Variants in ACP6 observed in about 807,000 individuals in gnomAD.
The protein encoded by ACP6 is acid phosphatase 6, lysophosphatidic.
Under a neutral mutation model 48.1 loss-of-function variants are expected in ACP6, and 48 were observed. The observed-to-expected ratio is 1.00, with a 90% CI of 0.79 to 1.27. ACP6 has a LOEUF of 1.27. ACP6 is among the 50% of genes most tolerant of loss of function. The pLI, the probability that ACP6 is intolerant of heterozygous loss-of-function variation, is 0.00. For missense variants in ACP6, 485 were observed against 529.1 expected (o/e 0.92, Z 0.82); for synonymous variants, 172 against 204.2 (o/e 0.84, Z 1.34).
At chr1:147,631,832 AC>A in intron 5 of ACP6, among the ~76,000 whole-genome samples, 1 of 151,582 alleles carries the variant, frequency 6.6e-6, no homozygotes, top group African/African-American at 2.4e-5. Context: ...AACAACAACA[AC>A]AAAAAAAACA....
At chr1:147,631,728 C>T (rs868957222) in intron 5 of ACP6, among the ~76,000 whole-genome samples, 3 of 152,034 alleles carry the variant, frequency 2.0e-5, no homozygotes, top group Non-Finnish European at 4.4e-5. Flanking sequence ...GCAGGAGAAT[C>T]GCTTGAACCC....
rs782192597 is a variant in ACP6, at chr1:147,650,158, G to C, written c.962C>G (p.Ala321Gly). The part of the protein sequence containing the change: ...NLLKAMDSAT[A>G]PDKIRKLYLY... Reference sequence around the variant, plus strand: ...TGCCAGGTACCTGATCTTGTCGGGGGCAGTGGCAGAGTCCATGGCTTTCAG... The same window carrying C: ...TGCCAGGTACCTGATCTTGTCGGGGCCAGTGGCAGAGTCCATGGCTTTCAG... Residue 321 changes from alanine (A) to glycine (G), a missense_variant, in exon 8 of 10, where the codon GCC becomes GGC. Physicochemically the swap from Ala to Gly is moderately conservative, Grantham distance 60. Transcript: ENST00000583509. 2 of 1,606,858 alleles carry C rather than the reference G, an allele frequency of 1.2e-6. No individual in the cohort carries two copies. The highest frequency in any genetic ancestry group is 1.7e-6 in the Non-Finnish European group (2 of 1,176,908).
At chr1:147,650,370 C>G in intron 7 of ACP6, 132 bp from the exon 8 acceptor site, 1 of 587,834 alleles carries the variant, frequency 1.7e-6, no homozygotes, top group East Asian at 3.3e-5. Context: ...TAAGGGCCAG[C>G]AACGGGCCAG....
Position 147,668,415 on chromosome 1 carries a change from G to GATAT in ACP6, c.219+1411_219+1414dup, listed in dbSNP as rs79430492. Among the ~76,000 whole-genome samples, 459 of 146,378 alleles carry GATAT rather than the reference G, an allele frequency of 3.1e-3. 3 individuals are homozygous for GATAT. Among genetic ancestry groups the GATAT allele is most frequent in the East Asian group, 5.6e-3 (28 of 5,030 alleles). On this transcript the variant is annotated intron_variant, in intron 1 of 9. Coordinates refer to ENST00000583509, the MANE Select transcript of ACP6 (RefSeq NM_016361.5). ...CTAAATCTTTTCCTAGTGCCTTCAG[G>GATAT]ATATATATATATATATATATGGTAC...
In ACP6 at chr1:147,659,619, C is replaced by A. The variant is rs781898685; in HGVS notation, c.348+28G>T. ...AAACAACCCAACCTTTGCAGTGGGG[C>A]TCCCCAGAGCAAGGAAGCATTGCTC... On this transcript the variant is annotated intron_variant, in intron 2 of 9. Coordinates refer to ENST00000583509, the MANE Select transcript of ACP6 (RefSeq NM_016361.5). 9.3e-6 allele frequency: 15 copies of A among 1,613,700 alleles called. No homozygotes were observed. The African/African-American group carries it at 1.7e-4, about 19-fold the overall frequency.
Position 147,648,379 on chromosome 1 carries a change from G to A in ACP6, c.1010C>T (p.Thr337Ile). 6.2e-7 allele frequency: 1 copy of A among 1,614,156 alleles called. No homozygotes were observed. Among genetic ancestry groups the A allele is most frequent in the Non-Finnish European group, 8.5e-7 (1 of 1,180,020 alleles). ...CAGGGTCATTAAGAGCGGTATGAAG[G>A]TCACATCATGAGCCGCATAGAGATA... ...KLYLYAAHDV[T>I]FIPLLMTLGI... Residue 337 changes from threonine (T) to isoleucine (I), a missense_variant, in exon 9 of 10, where the codon ACC becomes ATC. Transcript: ENST00000583509.
intron 9 of ACP6, 98 bp from the exon 10 acceptor site, chr1:147,647,664 T>TATACCATGTGC: frequency 6.9e-7 from 1 of 1,454,794 alleles, no homozygotes; most frequent in South Asian, 1.3e-5. Flanking sequence ...ATCCATGTGG[T>TATACCATGTGC]ATACATGTGC....
chr1:147,659,860 A>G (rs903301128), intron 1 of ACP6, 85 bp from the exon 2 acceptor site: 1 of 1,501,802 alleles, frequency 6.7e-7, no homozygotes, highest in Non-Finnish European at 8.9e-7. Context: ...CTCAGAACAC[A>G]TGGCTGGAAT....
At chr1:147,666,473 C>G (rs1660802487) in intron 1 of ACP6, among the ~76,000 whole-genome samples, 1 of 152,148 alleles carries the variant, frequency 6.6e-6, no homozygotes, top group Non-Finnish European at 1.5e-5. Flanking sequence ...AAAAACCTCC[C>G]AGGTGTAGAT....
In ACP6 at chr1:147,648,266, G is replaced by A. The variant is rs1659732353; in HGVS notation, c.1123C>T (p.Gln375Ter). Residue 375 changes from glutamine (Q) to a stop codon, truncating the protein, a stop_gained, in exon 9 of 10, where the codon CAG (glutamine) becomes TAG (stop). Transcript: ENST00000583509. LOFTEE classifies it high-confidence loss of function. ...ATTACCTTCCCGTGGTAATAGAGCT[G>A]CACAAACCACTCCTTAGATTCCAGG... Reference protein sequence around the residue: ...QHLESKEWFVQLYYHGKEQVP... With the variant: ...QHLESKEWFV 6.2e-7 allele frequency: 1 copy of A among 1,614,132 alleles called. No individual in the cohort carries two copies.
At chr1:147,664,423 T>C (rs1430049766) in intron 1 of ACP6, among the ~76,000 whole-genome samples, 1 of 152,208 alleles carries the variant, frequency 6.6e-6, no homozygotes, top group Non-Finnish European at 1.5e-5. Flanking sequence ...TCCTCATTCA[T>C]TTAGAAAGAC....
At chr1:147,661,539 A>G (rs1400394404) in intron 1 of ACP6, among the ~76,000 whole-genome samples, 1 of 152,100 alleles carries the variant, frequency 6.6e-6, no homozygotes, top group African/African-American at 2.4e-5. Flanking sequence ...CCTGAGACAC[A>G]ACAATATTAA....
chr1:147,667,961 G>C (rs587710754), intron 1 of ACP6, among the ~76,000 whole-genome samples: 2 of 147,510 alleles, frequency 1.4e-5, no homozygotes, highest in African/African-American at 5.1e-5. Flanking sequence ...CTGCACTCCA[G>C]CCTTGCAACA....
chr1:147,647,802 C>T (rs1321453008), intron 9 of ACP6: 1 of 599,298 alleles, frequency 1.7e-6, no homozygotes, highest in African/African-American at 1.9e-5. Flanking sequence ...GTTACATCCC[C>T]GAGCTGGGAG....
chr1:147,662,539 G>A (rs1660598240), intron 1 of ACP6, among the ~76,000 whole-genome samples: 1 of 152,236 alleles, frequency 6.6e-6, no homozygotes, highest in South Asian at 2.1e-4. Flanking sequence ...AGTAACTGCA[G>A]ATGTGATGGA....
In ACP6 at chr1:147,654,467, T is replaced by C. The variant is rs1325870780; in HGVS notation, c.648-141A>G. ...GTTAGCTGGTATTATCCCAATTTTA[T>C]AGATGAATAAACTAAGGCTCTATAA... On this transcript the variant is annotated intron_variant, in intron 5 of 9. Transcript: ENST00000583509. The C allele has an allele frequency of 4.5e-6, 4 of 883,152 alleles. No homozygotes were observed. The South Asian group carries it at 5.3e-5, about 12-fold the overall frequency. 54.7% of individuals were successfully genotyped at this position (883,152 alleles called of 1,614,324 possible). A position where few individuals can be genotyped will look rare whatever the true frequency, so the allele number is the denominator to read the frequency against.
chr1:147,659,898 A>T lies in ACP6; in HGVS notation c.220-123T>A, dbSNP rs1660460014. ...CTGACACTAGGCCTGCAACCTTCCT[A>T]TGGGATGGAAGGAAAGAAATGTTAG... On this transcript the variant is annotated intron_variant, in intron 1 of 9. Coordinates refer to ENST00000583509, the MANE Select transcript of ACP6 (RefSeq NM_016361.5). The T allele has an allele frequency of 4.2e-6, 5 of 1,177,910 alleles. No individual in the cohort carries two copies. The African/African-American group carries it at 7.7e-5, about 18-fold the overall frequency. The allele number at this position is 1,177,910 out of a possible 1,614,324, so 73.0% of individuals were successfully genotyped here.
intron 7 of ACP6, 83 bp from the exon 8 acceptor site, chr1:147,650,321 A>G: frequency 1.0e-6 from 1 of 973,360 alleles, no homozygotes; most frequent in Non-Finnish European, 1.5e-6. Context: ...CCAGGACCTC[A>G]TGAGTCCAGA....
At chr1:147,652,162 C>T (rs1659956229) in intron 7 of ACP6, 1 of 356,462 alleles carries the variant, frequency 2.8e-6, no homozygotes, top group Non-Finnish European at 5.1e-6. Context: ...GCTCCCCCCA[C>T]CCAAATCCTT....
Sources: allele counts gnomAD v4.1 joint callset (sites outside exome capture counted in the v4.1 genomes callset), GRCh38; gene constraint gnomAD v4.1.1; transcripts MANE v1.5; gene names NCBI Gene and HGNC (gene_info 2026-07-23, HGNC 2026-07-21).